Variants in GRK3 observed in about 807,000 individuals in gnomAD.
The protein encoded by GRK3 is adrenergic, beta, receptor kinase 2.
GRK3 carries 54 observed loss-of-function variants against 95.7 expected under a neutral mutation model. The observed-to-expected ratio is 0.56, with a 90% CI of 0.45 to 0.71. The LOEUF is 0.71. GRK3 is among the 30% of genes least tolerant of loss of function. The pLI, the probability that GRK3 is intolerant of heterozygous loss-of-function variation, is 0.00. For missense variants in GRK3, 649 were observed against 851.2 expected (o/e 0.76, Z 2.96); for synonymous variants, 281 against 290.8 (o/e 0.97, Z 0.34).
intron 13 of GRK3, among the ~76,000 whole-genome samples, chr22:25,696,785 G>GCATTCA (rs749124366): frequency 2.6e-4 from 40 of 152,214 alleles, no homozygotes; most frequent in Non-Finnish European, 5.1e-4. Context: ...TCTCTACTTT[G>GCATTCA]CATTCACTTG....
chr22:25,594,758 G>C (rs927713688), intron 1 of GRK3, among the ~76,000 whole-genome samples: 2 of 151,932 alleles, frequency 1.3e-5, no homozygotes, highest in African/African-American at 4.8e-5. Context: ...GGCACCTGTA[G>C]TCCCAGGTAC....
At chr22:25,715,497 A>G (rs2085376940) in intron 18 of GRK3, among the ~76,000 whole-genome samples, 1 of 152,138 alleles carries the variant, frequency 6.6e-6, no homozygotes, top group Non-Finnish European at 1.5e-5. Flanking sequence ...TGACACAGCG[A>G]GAAGCTGTCT....
intron 2 of GRK3, among the ~76,000 whole-genome samples, chr22:25,643,251 A>C (rs933593226): frequency 1.3e-5 from 2 of 152,094 alleles, no homozygotes; most frequent in African/African-American, 4.8e-5. Context: ...CCATGGGAGG[A>C]GCGTGGCTGT....
chr22:25,703,940 T>C (rs1338929166), intron 14 of GRK3, among the ~76,000 whole-genome samples, 169 bp from the exon 15 acceptor site: 1 of 152,260 alleles, frequency 6.6e-6, no homozygotes, highest in Admixed American at 6.5e-5. Flanking sequence ...TCATTGATTT[T>C]GCAACTGATT....
intron 15 of GRK3, among the ~76,000 whole-genome samples, chr22:25,708,659 A>ATT (rs199506412): frequency 2.8e-5 from 4 of 141,204 alleles, no homozygotes; most frequent in Non-Finnish European, 4.7e-5. Flanking sequence ...GGAGTGTGCA[A>ATT]TTTTTTTTTT....
chr22:25,696,049 A>G lies in GRK3; in HGVS notation c.1160+835A>G, dbSNP rs147943543. ...ACGGGGTTTCATGATGTTAGCCAGGATGGTCTCGATCTCCTGACTGGGTGA... is the reference window on the plus strand; with the variant it reads ...ACGGGGTTTCATGATGTTAGCCAGGGTGGTCTCGATCTCCTGACTGGGTGA... On this transcript the variant is annotated intron_variant, in intron 13 of 20. Coordinates refer to ENST00000324198, the MANE Select transcript of GRK3 (RefSeq NM_005160.4). Among the ~76,000 whole-genome samples the G allele has an allele frequency of 1.5e-4, 23 of 152,036 alleles. No homozygotes were observed. The East Asian group carries it at 4.5e-3, about 29-fold the overall frequency.
At chr22:25,571,476 C>G (rs1931697875) in intron 1 of GRK3, among the ~76,000 whole-genome samples, 1 of 152,076 alleles carries the variant, frequency 6.6e-6, no homozygotes, top group African/African-American at 2.4e-5. Context: ...TATTGAATTT[C>G]AGACACGGAT....
intron 1 of GRK3, among the ~76,000 whole-genome samples, chr22:25,595,389 G>A (rs2084365784): frequency 1.3e-5 from 2 of 152,160 alleles, no homozygotes; most frequent in South Asian, 2.1e-4. Flanking sequence ...AAATTAAAAT[G>A]CAGTCCCATT....
rs956163417 is a variant in GRK3 at position 25,718,438 on chromosome 22, T to C, written c.1791+57T>C. On this transcript the variant is annotated intron_variant, in intron 19 of 20. Coordinates refer to ENST00000324198, the MANE Select transcript of GRK3 (RefSeq NM_005160.4). ...TCCCAGTACGTACAATGGCATATGGTTATTTCATGTTGCTGACATGTTTTA... is the reference window on the plus strand; with the variant it reads ...TCCCAGTACGTACAATGGCATATGGCTATTTCATGTTGCTGACATGTTTTA... The C allele has an allele frequency of 5.1e-6, 8 of 1,568,260 alleles. No homozygotes were observed. In the African/African-American group the frequency reaches 1.1e-4, roughly 21 times the overall value.
At chr22:25,615,992 G>C (rs2146352021) in intron 2 of GRK3, among the ~76,000 whole-genome samples, 1 of 148,584 alleles carries the variant, frequency 6.7e-6, no homozygotes. Context: ...AGGAGGCCAG[G>C]GGGCTGCAGG....
intron 4 of GRK3, among the ~76,000 whole-genome samples, 176 bp from the exon 5 acceptor site, chr22:25,663,454 A>G (rs1212291154): frequency 6.6e-6 from 1 of 152,220 alleles, no homozygotes; most frequent in African/African-American, 2.4e-5. Flanking sequence ...AGGAACAAGC[A>G]TTTGCTGCGA....
rs548273427 is a variant in GRK3 at position 25,678,179 on chromosome 22, G to A, written c.648-637G>A. Reference sequence around the variant, plus strand: ...ATAAAAATTGACCACTGCTGGCCGGGCACGGTGGCTCATGCCTGTAATCCC... The same window carrying A: ...ATAAAAATTGACCACTGCTGGCCGGACACGGTGGCTCATGCCTGTAATCCC... On this transcript the variant is annotated intron_variant, in intron 8 of 20. Coordinates refer to ENST00000324198, the MANE Select transcript of GRK3 (RefSeq NM_005160.4). Among the ~76,000 whole-genome samples, 10 of 152,184 alleles carry A rather than the reference G, an allele frequency of 6.6e-5. No homozygotes were observed. In the South Asian group the frequency reaches 1.0e-3, roughly 16 times the overall value.
intron 2 of GRK3, among the ~76,000 whole-genome samples, chr22:25,613,998 G>A (rs1953686690): frequency 6.7e-6 from 1 of 149,588 alleles, no homozygotes; most frequent in South Asian, 2.1e-4. Flanking sequence ...AATTATCATC[G>A]CCCCACCCAA....
At chr22:25,632,246 A>G (rs1337885155) in intron 2 of GRK3, among the ~76,000 whole-genome samples, 1 of 152,230 alleles carries the variant, frequency 6.6e-6, no homozygotes, top group African/African-American at 2.4e-5. Context: ...TCTAGTAAGT[A>G]TATAGGATTA....
chr22:25,632,445 G>T (rs964604362), intron 2 of GRK3, among the ~76,000 whole-genome samples: 1 of 152,220 alleles, frequency 6.6e-6, no homozygotes, highest in Middle Eastern at 3.4e-3. Flanking sequence ...TCCTTTAGCA[G>T]ATATATATTT....
chr22:25,693,038 C>T (rs988153369), intron 12 of GRK3, among the ~76,000 whole-genome samples: 2 of 152,118 alleles, frequency 1.3e-5, no homozygotes, highest in African/African-American at 2.4e-5. Flanking sequence ...ACGAAAGAAT[C>T]GCAAATTATT....
chr22:25,672,325 A>G lies in GRK3; in HGVS notation c.533A>G (p.Lys178Arg), dbSNP rs1309808580. Residue 178 changes from lysine to arginine, a missense_variant, in exon 7 of 21, where the codon AAA (lysine) becomes AGA (arginine). Physicochemically the swap from Lys to Arg is conservative, Grantham distance 26. Transcript: ENST00000324198. ...SDKFTRFCQW[K>R]NVELNIHLTM... ...AAGTTCACTAGATTTTGTCAGTGGA[A>G]AAACGTTGAATTAAATATCCATGTG... The G allele has an allele frequency of 6.7e-7, 1 of 1,481,842 alleles. No individual in the cohort carries two copies. Among genetic ancestry groups the G allele is most frequent in the Non-Finnish European group, 9.3e-7 (1 of 1,075,526 alleles). The allele number at this position is 1,481,842 out of a possible 1,614,324, so 91.8% of individuals were successfully genotyped here. A position where few individuals can be genotyped will look rare whatever the true frequency, so the allele number is the denominator to read the frequency against.
rs1417377658 is a variant in GRK3, at chr22:25,564,683, G to C, written c.-358G>C. Among the ~76,000 whole-genome samples the C allele has an allele frequency of 3.3e-5, 5 of 151,722 alleles. No homozygotes were observed. Among genetic ancestry groups the C allele is most frequent in the African/African-American group, 9.6e-5 (4 of 41,460 alleles). On this transcript the variant is annotated 5_prime_UTR_variant, in exon 1 of 21. Coordinates refer to ENST00000324198, the MANE Select transcript of GRK3 (RefSeq NM_005160.4). ...GGAGGGCGACCGTAGAGACTTGGTCGGGAGGCGCCGGCCCAGCGAGGCCGC... is the reference window on the plus strand; with the variant it reads ...GGAGGGCGACCGTAGAGACTTGGTCCGGAGGCGCCGGCCCAGCGAGGCCGC...
intron 20 of GRK3, among the ~76,000 whole-genome samples, chr22:25,721,747 C>T (rs995674817): frequency 1.3e-5 from 2 of 152,090 alleles, no homozygotes; most frequent in Admixed American, 6.5e-5. Context: ...AACTGAAATG[C>T]CATCTTCTCT....
Sources: gnomAD v4.1 joint callset for allele counts (sites outside exome capture counted in the v4.1 genomes callset) on GRCh38, gnomAD v4.1.1 for gene constraint, MANE v1.5 for transcripts, NCBI Gene and HGNC (gene_info 2026-07-23, HGNC 2026-07-21) for gene names.